RBFOX3: variants seen among roughly 807,000 people sequenced by gnomAD.
RBFOX3 encodes the protein RNA binding fox-1 homolog 3, also known as RNA binding protein fox-1 homolog 3.
A neutral mutation model predicts 48.7 loss-of-function variants in RBFOX3; 17 were observed. The observed-to-expected ratio is 0.35, with a 90% CI of 0.24 to 0.52. The LOEUF is 0.52. Among genes scored for constraint, RBFOX3 ranks in the 20% least tolerant of loss-of-function variants. The pLI, the probability that RBFOX3 is intolerant of heterozygous loss-of-function variation, is 0.94. For missense variants in RBFOX3, 382 were observed against 497.5 expected (o/e 0.77, Z 2.21); for synonymous variants, 212 against 209.5 (o/e 1.01, Z -0.10).
chr17:79,402,350 C>T (rs1386344933), intron 2 of RBFOX3, among the ~76,000 whole-genome samples: 3 of 152,246 alleles, frequency 2.0e-5, no homozygotes, highest in Admixed American at 6.5e-5. Context: ...GAGACGCTTT[C>T]TGACAGCAGG....
chr17:79,277,831 G>C (rs931005230), intron 3 of RBFOX3, among the ~76,000 whole-genome samples: 5 of 152,244 alleles, frequency 3.3e-5, no homozygotes, highest in African/African-American at 1.2e-4. Context: ...ACAGAGCCTG[G>C]GCACATCCCC....
At chr17:79,511,365 T>C (rs1328481047) in intron 1 of RBFOX3, among the ~76,000 whole-genome samples, 1 of 152,144 alleles carries the variant, frequency 6.6e-6, no homozygotes, top group East Asian at 1.9e-4. Context: ...CTAATATGTG[T>C]CGGGGCTGGG....
At chr17:79,149,166 C>A (rs2043738439) in intron 4 of RBFOX3, among the ~76,000 whole-genome samples, 1 of 152,220 alleles carries the variant, frequency 6.6e-6, no homozygotes, top group Non-Finnish European at 1.5e-5. Context: ...CAGGAAAATG[C>A]GACGTCTGTG....
chr17:79,553,985 C>T (rs959246282), intron 1 of RBFOX3, among the ~76,000 whole-genome samples: 6 of 152,330 alleles, frequency 3.9e-5, no homozygotes, highest in Admixed American at 2.6e-4. Context: ...CCACCCGCCT[C>T]GGCCTCCCAA....
At chr17:79,301,406 C>T (rs913501961) in intron 3 of RBFOX3, among the ~76,000 whole-genome samples, 1 of 152,236 alleles carries the variant, frequency 6.6e-6, no homozygotes, top group South Asian at 2.1e-4. Context: ...CCAGCGGGAA[C>T]ACTGCCTTGG....
chr17:79,509,219 C>T (rs1344843879), intron 1 of RBFOX3, among the ~76,000 whole-genome samples: 2 of 152,304 alleles, frequency 1.3e-5, no homozygotes, highest in East Asian at 1.9e-4. Context: ...AGGAGGACAG[C>T]GGGGTCCCCA....
intron 1 of RBFOX3, among the ~76,000 whole-genome samples, chr17:79,586,490 G>A (rs1420613031): frequency 2.6e-5 from 4 of 152,204 alleles, no homozygotes; most frequent in Non-Finnish European, 2.9e-5. Context: ...CAGCGTTTTG[G>A]GGCGTGTTTG....
chr17:79,652,599 G>GAGGAGAGGAA, the RBFOX3 span, among the ~76,000 whole-genome samples: 1 of 5,056 alleles, frequency 2.0e-4, no homozygotes, highest in African/African-American at 3.9e-4. Context: ...GAGGAGAGGA[G>GAGGAGAGGAA]AGGAAAGGAA....
At position 79,512,220 on chromosome 17, in the gene RBFOX3, C is replaced by G. The variant is rs1290606899; in HGVS notation, c.-319-29622G>C. On this transcript the variant is annotated intron_variant, in intron 1 of 14. Transcript: ENST00000693108. ...TAGCCCCATGGCCAGGGGACGCACA[C>G]CCGGATACATGTTACCATCGAGTAC... 1.9e-4 allele frequency among the ~76,000 whole-genome samples: 28 copies of G among 143,884 alleles called. 4 individuals are homozygous for G. The allele number at this position is 143,884 out of a possible 152,430, so 94.4% of individuals were successfully genotyped here.
At chr17:79,315,263 CA>C in intron 2 of RBFOX3, among the ~76,000 whole-genome samples, 1 of 152,352 alleles carries the variant, frequency 6.6e-6, no homozygotes, top group Admixed American at 6.5e-5. Context: ...TGATGGCCTC[CA>C]GACTCTAGAC....
intron 2 of RBFOX3, among the ~76,000 whole-genome samples, chr17:79,342,979 CGAGAGAGAGA>C (rs35571686): frequency 7.0e-6 from 1 of 143,784 alleles, no homozygotes; most frequent in Non-Finnish European, 1.5e-5. Flanking sequence ...AGAGAAAGAG[CGAGAGAGAGA>C]GAGAGAGAGA....
At chr17:79,549,677 A>AG (rs1421979486) in intron 1 of RBFOX3, among the ~76,000 whole-genome samples, 1 of 151,974 alleles carries the variant, frequency 6.6e-6, no homozygotes, top group Non-Finnish European at 1.5e-5. Flanking sequence ...AAGGAGACAA[A>AG]GGAAGGCACA....
chr17:79,197,388 C>CTTTT (rs72118967), intron 4 of RBFOX3, among the ~76,000 whole-genome samples: 17 of 112,782 alleles, frequency 1.5e-4, no homozygotes, highest in African/African-American at 3.4e-4. Flanking sequence ...TTCTTTCTTT[C>CTTTT]TTTTTTTTTT....
intron 4 of RBFOX3, among the ~76,000 whole-genome samples, chr17:79,123,829 G>C (rs562978843): frequency 2.0e-5 from 3 of 152,232 alleles, no homozygotes; most frequent in African/African-American, 4.8e-5. Context: ...GTGGGGACGT[G>C]CAGGAAACCC....
chr17:79,496,785 A>G (rs1209637193), intron 1 of RBFOX3, among the ~76,000 whole-genome samples: 1 of 152,094 alleles, frequency 6.6e-6, no homozygotes, highest in African/African-American at 2.4e-5. Context: ...TGAGCCTCCC[A>G]TGCGTTATCT....
chr17:79,370,554 C>T (rs2058386621), intron 2 of RBFOX3, among the ~76,000 whole-genome samples: 1 of 150,250 alleles, frequency 6.7e-6, no homozygotes, highest in East Asian at 1.9e-4. Context: ...CACTAACATA[C>T]ATACATGTGT....
Position 79,299,432 on chromosome 17 carries a change from TACA to T in RBFOX3, c.-74+8289_-74+8291del, listed in dbSNP as rs1406469203. On this transcript the variant is annotated intron_variant, in intron 3 of 14. Coordinates refer to ENST00000693108, the MANE Select transcript of RBFOX3 (RefSeq NM_001350451.2). This position sits in a 1 kb window ranked among gnomAD's most constrained non-coding sequence, Gnocchi z 4.5. Reference sequence around the variant, plus strand: ...TTAGAAAAATAAATAAAAATAATGATACAACAATACAAATAACAGAAGTGAAAA... The same window carrying T: ...TTAGAAAAATAAATAAAAATAATGATACAATACAAATAACAGAAGTGAAAA... Among the ~76,000 whole-genome samples the T allele has an allele frequency of 6.6e-6, 1 of 152,060 alleles. No individual in the cohort carries two copies. The highest frequency in any genetic ancestry group is 2.4e-5 in the African/African-American group (1 of 41,396).
At chr17:79,394,817 G>A (rs570272920) in intron 2 of RBFOX3, among the ~76,000 whole-genome samples, 5 of 152,278 alleles carry the variant, frequency 3.3e-5, no homozygotes, top group Admixed American at 1.3e-4. Flanking sequence ...CTCCTGAGAC[G>A]TCCCGGGCCC....
chr17:79,305,677 G>A (rs985717258), intron 3 of RBFOX3, among the ~76,000 whole-genome samples: 8 of 152,196 alleles, frequency 5.3e-5, no homozygotes, highest in Admixed American at 5.2e-4. Flanking sequence ...CTGGGGTGGG[G>A]GCTGTACCAG....
Sources: gnomAD v4.1 joint callset for allele counts (sites outside exome capture counted in the v4.1 genomes callset) on GRCh38, gnomAD v4.1.1 for gene constraint, Gnocchi (gnomAD v3.1) non-coding constraint, MANE v1.5 for transcripts, NCBI Gene and HGNC (gene_info 2026-07-23, HGNC 2026-07-21) for gene names.